The following RORA variants were observed in gnomAD, a reference collection of about 807,000 sequenced individuals.
RORA encodes RAR related orphan receptor A.
A neutral mutation model predicts 69.5 loss-of-function variants in RORA; 7 were observed. The ratio of observed to expected loss-of-function variants is 0.10; its 90% CI spans 0.06 to 0.19. The LOEUF is 0.19. Ranked by LOEUF, RORA falls within the 10% of genes least tolerant of loss-of-function variation. The pLI is 1.00. For missense variants in RORA, 457 were observed against 663.0 expected (o/e 0.69, Z 3.41); for synonymous variants, 261 against 240.8 (o/e 1.08, Z -0.78).
chr15:61,165,038 A>G (rs895010407), intron 1 of RORA, among the ~76,000 whole-genome samples: 3 of 152,152 alleles, frequency 2.0e-5, no homozygotes, highest in African/African-American at 7.2e-5. Flanking sequence ...CAAAGCTCCT[A>G]CTGAGAAGAA....
intron 1 of RORA, among the ~76,000 whole-genome samples, chr15:60,866,130 T>C (rs1241437544): frequency 1.3e-5 from 2 of 152,188 alleles, no homozygotes; most frequent in East Asian, 1.9e-4. Flanking sequence ...ATTGTGCCAA[T>C]GAACATTAGA....
chr15:61,126,991 G>A (rs575789349), intron 1 of RORA, among the ~76,000 whole-genome samples: 68 of 152,244 alleles, frequency 4.5e-4, no homozygotes, highest in African/African-American at 1.6e-3. Flanking sequence ...ATTTCATTTG[G>A]AGCCTCATCC....
At chr15:60,682,748 G>T (rs1365886335) in intron 1 of RORA, among the ~76,000 whole-genome samples, 3 of 152,228 alleles carry the variant, frequency 2.0e-5, no homozygotes, top group Non-Finnish European at 4.4e-5. Flanking sequence ...TCCAGCTGTT[G>T]TGCAGGTTTT....
At chr15:60,638,262 G>A (rs1400153987) in intron 2 of RORA, among the ~76,000 whole-genome samples, 1 of 152,096 alleles carries the variant, frequency 6.6e-6, no homozygotes, top group Non-Finnish European at 1.5e-5. Flanking sequence ...GTCCTGGTGG[G>A]GTTCTACAAG....
chr15:60,843,353 G>T (rs866346886), intron 1 of RORA, among the ~76,000 whole-genome samples: 19 of 152,244 alleles, frequency 1.2e-4, no homozygotes, highest in South Asian at 1.0e-3. Flanking sequence ...TAAAGTCCAG[G>T]TACCTCATTT....
chr15:61,194,220 C>A (rs1164071450), intron 1 of RORA: 2 of 152,208 alleles, frequency 1.3e-5, no homozygotes, highest in African/African-American at 4.8e-5. Context: ...GGGGTGCAAG[C>A]CAAGAGTAGG....
chr15:61,055,140 AAC>A (rs1566966357), intron 1 of RORA, among the ~76,000 whole-genome samples: 1 of 151,966 alleles, frequency 6.6e-6, no homozygotes, highest in East Asian at 1.9e-4. Context: ...CCCGGCCTAA[AAC>A]ACAGTCTTGA....
chr15:60,531,503 G>T lies in RORA; in HGVS notation c.282+263C>A. ...AAAGATTGCCACAGAGATTGCTCAT[G>T]AGTTCAACTCTGGGGTTGAAAGTGA... On this transcript the variant is annotated intron_variant, in intron 3 of 10. Coordinates refer to ENST00000335670, the MANE Select transcript of RORA (RefSeq NM_134261.3). The surrounding 1 kb of genome is among the most constrained non-coding windows in gnomAD (Gnocchi z 4.8). The T allele has an allele frequency of 2.7e-6, 1 of 371,008 alleles. No homozygotes were observed. 23.0% of individuals were successfully genotyped at this position (371,008 alleles called of 1,614,324 possible).
intron 1 of RORA, among the ~76,000 whole-genome samples, chr15:61,209,629 T>G (rs1164469024): frequency 6.6e-6 from 1 of 152,210 alleles, no homozygotes; most frequent in Non-Finnish European, 1.5e-5. Context: ...AATAAATGTC[T>G]GTTGTTTAAG....
At chr15:60,829,278 C>A (rs912255600) in intron 1 of RORA, among the ~76,000 whole-genome samples, 1 of 152,194 alleles carries the variant, frequency 6.6e-6, no homozygotes, top group African/African-American at 2.4e-5. Flanking sequence ...CAGGTCACTG[C>A]TGCCCGGAGC....
chr15:60,925,099 A>G (rs1021571422), intron 1 of RORA, among the ~76,000 whole-genome samples: 13 of 41,560 alleles, frequency 3.1e-4, no homozygotes, highest in Non-Finnish European at 6.4e-4. Context: ...AAATTAATAA[A>G]ATAAAATAAA....
chr15:61,125,875 T>G (rs1457353335), intron 1 of RORA, among the ~76,000 whole-genome samples: 1 of 152,200 alleles, frequency 6.6e-6, no homozygotes, highest in African/African-American at 2.4e-5. Context: ...TGAAAAACCA[T>G]CACATTTCCT....
chr15:60,960,546 C>T (rs987386590), intron 1 of RORA, among the ~76,000 whole-genome samples: 9 of 152,128 alleles, frequency 5.9e-5, no homozygotes, highest in East Asian at 1.9e-4. Context: ...AATGGGGCAG[C>T]GACTAGAGAG....
chr15:60,517,647 CCT>C (rs747932592), intron 3 of RORA, among the ~76,000 whole-genome samples: 2 of 152,048 alleles, frequency 1.3e-5, no homozygotes, highest in South Asian at 2.1e-4. Flanking sequence ...TTCATTTTCC[CCT>C]GAGACACATA....
chr15:60,552,855 G>A lies in RORA; in HGVS notation c.197-21004C>T, dbSNP rs548523300. Among the ~76,000 whole-genome samples, 10 of 152,236 alleles carry A rather than the reference G, an allele frequency of 6.6e-5. No homozygotes were observed. In the East Asian group the frequency reaches 1.7e-3, roughly 26 times the overall value. ...TAATAACTACTCTTGTGACATCTAG[G>A]GCTGGGCTACAAGTGGTCAGCACAT... On this transcript the variant is annotated intron_variant, in intron 2 of 10. Transcript: ENST00000335670.
intron 1 of RORA, among the ~76,000 whole-genome samples, chr15:60,718,977 G>A (rs990835358): frequency 1.3e-5 from 2 of 152,072 alleles, no homozygotes; most frequent in African/African-American, 4.8e-5. Flanking sequence ...AGAGGTCAGA[G>A]TTCAAGGACT....
intron 1 of RORA, among the ~76,000 whole-genome samples, chr15:60,886,651 G>T (rs187387444): frequency 2.6e-5 from 4 of 152,282 alleles, no homozygotes; most frequent in Non-Finnish European, 5.9e-5. Flanking sequence ...TCTGAGGTGG[G>T]TCTAACAGTA....
At chr15:61,204,474 C>T (rs1317782556) in intron 1 of RORA, among the ~76,000 whole-genome samples, 1 of 152,166 alleles carries the variant, frequency 6.6e-6, no homozygotes, top group African/African-American at 2.4e-5. Context: ...GACCAAAGTT[C>T]AGTATGGCTA....
chr15:60,866,997 C>T lies in RORA; in HGVS notation c.167-188311G>A, dbSNP rs4775307. On this transcript the variant is annotated intron_variant, in intron 1 of 10. Transcript: ENST00000335670. ...TCTCATGCCTCAGCCTCCCGGGTAGCTGGGACTACAGCTGTGAGCCACCAT... is the reference window on the plus strand; with the variant it reads ...TCTCATGCCTCAGCCTCCCGGGTAGTTGGGACTACAGCTGTGAGCCACCAT... Among the ~76,000 whole-genome samples the T allele has an allele frequency of 6.2e-3, 936 of 152,182 alleles. 4 individuals are homozygous for T. Among genetic ancestry groups the T allele is most frequent in the Non-Finnish European group, 9.8e-3 (664 of 68,006 alleles).
Sources: gnomAD v4.1 joint callset for allele counts (sites outside exome capture counted in the v4.1 genomes callset) on GRCh38, gnomAD v4.1.1 for gene constraint, Gnocchi (gnomAD v3.1) non-coding constraint, MANE v1.5 for transcripts, NCBI Gene and HGNC (gene_info 2026-07-23, HGNC 2026-07-21) for gene names.